Variants in TMEM178B observed in about 807,000 individuals in gnomAD.
TMEM178B encodes transmembrane protein 178B.
A neutral mutation model predicts 31.0 loss-of-function variants in TMEM178B; 5 were observed. That is an observed-to-expected ratio of 0.16 (90% CI 0.08 to 0.34). The LOEUF is 0.34. Among genes scored for constraint, TMEM178B ranks in the 10% least tolerant of loss-of-function variants. The pLI, the probability that TMEM178B is intolerant of heterozygous loss-of-function variation, is 1.00. For missense variants in TMEM178B, 275 were observed against 400.3 expected, an observed-to-expected ratio of 0.69 and a Z score of 2.67; for synonymous variants, 164 against 164.0, an observed-to-expected ratio of 1.00 and a Z score of 0.00.
chr7:141,254,717 G>A (rs1860812), intron 2 of TMEM178B, among the ~76,000 whole-genome samples: 5 of 151,790 alleles, frequency 3.3e-5, no homozygotes, highest in Admixed American at 6.6e-5. Context: ...GCGAGACTTC[G>A]TCTAAAACAA....
At chr7:141,294,593 A>G (rs772743939) in intron 2 of TMEM178B, among the ~76,000 whole-genome samples, 2 of 152,236 alleles carry the variant, frequency 1.3e-5, no homozygotes, top group African/African-American at 4.8e-5. Flanking sequence ...GACTTTATAC[A>G]TGGGGAAAAC....
rs1802051124 is a variant in TMEM178B, at chr7:141,461,067, G to A, written c.635-9469G>A. Among the ~76,000 whole-genome samples the A allele has an allele frequency of 6.6e-6, 1 of 152,222 alleles. No homozygotes were observed. The highest frequency in any genetic ancestry group is 2.4e-5 in the African/African-American group (1 of 41,466). On this transcript the variant is annotated intron_variant, in intron 3 of 3. Coordinates refer to ENST00000565468, the MANE Select transcript of TMEM178B (RefSeq NM_001195278.2). This position sits in a 1 kb window ranked among gnomAD's most constrained non-coding sequence, Gnocchi z 4.0. ...GAAGCATTTAATCTAAGCAAAGGCAGGGTTTTGTATCATCTACTTCCCAGG... is the reference window on the plus strand; with the variant it reads ...GAAGCATTTAATCTAAGCAAAGGCAAGGTTTTGTATCATCTACTTCCCAGG...
intron 1 of TMEM178B, among the ~76,000 whole-genome samples, chr7:141,194,284 C>A (rs547082791): frequency 2.0e-5 from 3 of 152,202 alleles, no homozygotes; most frequent in Non-Finnish European, 2.9e-5. Context: ...TGAGACAACA[C>A]AAGTCTCTTC....
At chr7:141,485,739 C>T in the TMEM178B span, among the ~76,000 whole-genome samples, 1 of 152,260 alleles carries the variant, frequency 6.6e-6, no homozygotes, top group Non-Finnish European at 1.5e-5. Flanking sequence ...GGCCTTTCTC[C>T]ATGTCTGGTG....
chr7:141,112,358 T>C (rs1023367439), intron 1 of TMEM178B, among the ~76,000 whole-genome samples: 1 of 152,138 alleles, frequency 6.6e-6, no homozygotes, highest in African/African-American at 2.4e-5. Context: ...GCTCAAGCAA[T>C]CCTCTCACCT....
At chr7:141,337,026 TCACCACCACCAC>T (rs1364878528) in intron 2 of TMEM178B, among the ~76,000 whole-genome samples, 1 of 25,430 alleles carries the variant, frequency 3.9e-5, no homozygotes, top group Non-Finnish European at 7.0e-5. Context: ...ATCACCACCA[TCACCACCACCAC>T]CACCACCACC....
intron 3 of TMEM178B, among the ~76,000 whole-genome samples, chr7:141,445,722 G>C (rs1379160812): frequency 2.6e-5 from 4 of 152,190 alleles, no homozygotes; most frequent in Non-Finnish European, 1.5e-5. Context: ...TGCTGTTACT[G>C]TTACATGTAT....
chr7:141,389,806 T>G (rs1374245310), intron 2 of TMEM178B, among the ~76,000 whole-genome samples: 1 of 152,210 alleles, frequency 6.6e-6, no homozygotes, highest in African/African-American at 2.4e-5. Flanking sequence ...AGGGAGTCAT[T>G]CAGAGACTTG....
chr7:141,429,862 T>G (rs886895876), intron 2 of TMEM178B: 1 of 152,240 alleles, frequency 6.6e-6, no homozygotes, highest in African/African-American at 2.4e-5. Flanking sequence ...TACATTATGA[T>G]GCGGAACCAA....
At chr7:141,402,082 A>G (rs1439075277) in intron 2 of TMEM178B, among the ~76,000 whole-genome samples, 1 of 152,180 alleles carries the variant, frequency 6.6e-6, no homozygotes, top group Non-Finnish European at 1.5e-5. Context: ...AAGGTACTCC[A>G]CGGTGCCAGG....
chr7:141,366,108 G>GTAA (rs1799999645), intron 2 of TMEM178B, among the ~76,000 whole-genome samples: 1 of 152,210 alleles, frequency 6.6e-6, no homozygotes, highest in South Asian at 2.1e-4. Context: ...AAGGGATGTG[G>GTAA]TAAGGTCAGA....
In TMEM178B at chr7:141,478,841, G is replaced by C. The variant is rs574161899; in HGVS notation, c.*8055G>C. 5 of 132,154 alleles carry C rather than the reference G, an allele frequency of 3.8e-5. No individual in the cohort carries two copies. Among genetic ancestry groups the C allele is most frequent in the African/African-American group, 1.7e-4 (4 of 23,288 alleles). 8.2% of individuals were successfully genotyped at this position (132,154 alleles called of 1,614,324 possible). ...TTAGGTTCTTCATTAGGAGACTGATGGGGGGGGTCCTTCCTGGTGGGTCAC... is the reference window on the plus strand; with the variant it reads ...TTAGGTTCTTCATTAGGAGACTGATCGGGGGGGTCCTTCCTGGTGGGTCAC... On this transcript the variant is annotated 3_prime_UTR_variant, in exon 4 of 4. Coordinates refer to ENST00000565468, the MANE Select transcript of TMEM178B (RefSeq NM_001195278.2).
intron 1 of TMEM178B, chr7:141,173,336 G>A (rs560463650): frequency 6.6e-6 from 1 of 152,286 alleles, no homozygotes; most frequent in Admixed American, 6.5e-5. Context: ...TACCATGCCT[G>A]ACACAAAGTA....
At chr7:141,438,696 TAAAAAAAAAAAA>T (rs869132131) in intron 3 of TMEM178B, among the ~76,000 whole-genome samples, 537 of 29,010 alleles carry the variant, frequency 0.019, 21 homozygotes, top group Middle Eastern at 0.077. Context: ...CCGTCTCTAC[TAAAAAAAAAAAA>T]AAAAAAAAAA....
intron 1 of TMEM178B, among the ~76,000 whole-genome samples, chr7:141,181,303 T>C (rs1330788026): frequency 1.3e-5 from 2 of 152,202 alleles, no homozygotes; most frequent in Non-Finnish European, 2.9e-5. Flanking sequence ...TTGCTAAAAC[T>C]CATGATAAAG....
At chr7:141,363,132 A>C (rs969921459) in intron 2 of TMEM178B, among the ~76,000 whole-genome samples, 11 of 152,130 alleles carry the variant, frequency 7.2e-5, no homozygotes, top group African/African-American at 2.7e-4. Flanking sequence ...CTAACACCAA[A>C]TAGCTCATTA....
intron 1 of TMEM178B, among the ~76,000 whole-genome samples, chr7:141,106,406 T>G (rs984502257): frequency 1.3e-5 from 2 of 152,234 alleles, no homozygotes; most frequent in Admixed American, 6.5e-5. Context: ...GAACATAAAA[T>G]GCATCTAACT....
intron 2 of TMEM178B, among the ~76,000 whole-genome samples, chr7:141,390,403 T>G (rs1800513215): frequency 6.6e-6 from 1 of 152,240 alleles, no homozygotes; most frequent in Non-Finnish European, 1.5e-5. Context: ...TATTTCTGTT[T>G]CCTATTTCAC....
the TMEM178B span, among the ~76,000 whole-genome samples, chr7:141,491,404 A>G: frequency 1.1e-4 from 16 of 152,140 alleles, no homozygotes; most frequent in Non-Finnish European, 1.5e-4. Context: ...AAAATCCTTA[A>G]ACATCTTTAA....
Sources: allele counts gnomAD v4.1 joint callset (sites outside exome capture counted in the v4.1 genomes callset), GRCh38; gene constraint gnomAD v4.1.1; non-coding constraint Gnocchi (gnomAD v3.1); transcripts MANE v1.5; gene names NCBI Gene and HGNC (gene_info 2026-07-23, HGNC 2026-07-21).